The following LCLAT1 variants were observed in gnomAD, a reference collection of about 807,000 sequenced individuals.
LCLAT1 encodes lysocardiolipin acyltransferase 1.
LCLAT1 carries 11 observed loss-of-function variants against 30.7 expected under a neutral mutation model. That is an observed-to-expected ratio of 0.36 (90% CI 0.23 to 0.59). LCLAT1 has a LOEUF of 0.59. LCLAT1 is among the 20% of genes least tolerant of loss of function. LCLAT1 has a pLI of 0.77. For synonymous variants in LCLAT1, 155 were observed against 151.3 expected, an observed-to-expected ratio of 1.02 and a Z score of -0.18; for missense variants, 402 against 458.6, an observed-to-expected ratio of 0.88 and a Z score of 1.13.
At chr2:30,449,737 T>TCGG (rs962463857) in intron 1 of LCLAT1, among the ~76,000 whole-genome samples, 24 of 152,266 alleles carry the variant, frequency 1.6e-4, no homozygotes, top group African/African-American at 5.8e-4. Flanking sequence ...CGACCTCAGG[T>TCGG]GATCCGCCTG....
rs180755299 is a variant in LCLAT1, at chr2:30,534,965, A to G, written c.364+1651A>G. Among the ~76,000 whole-genome samples the G allele has an allele frequency of 1.7e-3, 253 of 152,352 alleles. 1 individual carries two copies. Among genetic ancestry groups the G allele is most frequent in the South Asian group, 4.6e-3 (22 of 4,830 alleles). ...TGAGATATACTAACAGGATATTAAG[A>G]ATAACATTATACCAATGACTTTAAA... On this transcript the variant is annotated intron_variant, in intron 3 of 5. Coordinates refer to ENST00000379509, the MANE Select transcript of LCLAT1 (RefSeq NM_001002257.3).
chr2:30,570,366 A>G (rs970270409), intron 5 of LCLAT1, among the ~76,000 whole-genome samples: 2 of 152,226 alleles, frequency 1.3e-5, no homozygotes, highest in Non-Finnish European at 2.9e-5. Flanking sequence ...CTATAATAAT[A>G]AAAATAAAAA....
rs148707098 is a variant in LCLAT1, at chr2:30,568,340, C to T, written c.628+164C>T. Among the ~76,000 whole-genome samples, 12 of 151,858 alleles carry T rather than the reference C, an allele frequency of 7.9e-5. No homozygotes were observed. In the East Asian group the frequency reaches 2.3e-3, roughly 29 times the overall value. ...TGGCCTATGTACTAAAATGTTTTGCCATGTATTTGTTAGAGATATAGAAGA... is the reference window on the plus strand; with the variant it reads ...TGGCCTATGTACTAAAATGTTTTGCTATGTATTTGTTAGAGATATAGAAGA... On this transcript the variant is annotated intron_variant, in intron 5 of 5. Transcript: ENST00000379509.
At chr2:30,598,414 C>CTTTTTTTTTTTTTTTTTT (rs58514140) in intron 5 of LCLAT1, among the ~76,000 whole-genome samples, 1 of 135,948 alleles carries the variant, frequency 7.4e-6, no homozygotes. Context: ...TCTAGATTTT[C>CTTTTTTTTTTTTTTTTTT]TTTTTTTTTT....
intron 5 of LCLAT1, among the ~76,000 whole-genome samples, chr2:30,622,992 G>A (rs778095426): frequency 4.6e-5 from 7 of 151,186 alleles, no homozygotes; most frequent in African/African-American, 9.7e-5. Context: ...TCAGAAGTTC[G>A]ACTATTAAGC....
At position 30,453,371 on chromosome 2, in the gene LCLAT1, C is replaced by G. The variant is rs890051987; in HGVS notation, c.-5+5988C>G. ...TAACTCTTGACAGGGACTCTTCCCC[C>G]ACTGGAATGTTTAGGTATCTTGGGA... On this transcript the variant is annotated intron_variant, in intron 1 of 5. Coordinates refer to ENST00000379509, the MANE Select transcript of LCLAT1 (RefSeq NM_001002257.3). 5.3e-5 allele frequency among the ~76,000 whole-genome samples: 8 copies of G among 152,294 alleles called. No homozygotes were observed. In the South Asian group the frequency reaches 6.2e-4, roughly 12 times the overall value.
intron 5 of LCLAT1, among the ~76,000 whole-genome samples, chr2:30,574,206 A>G (rs1163734219): frequency 6.6e-6 from 1 of 152,100 alleles, no homozygotes; most frequent in Admixed American, 6.6e-5. Flanking sequence ...GGTAAGGGAA[A>G]ATAGGGGTAA....
intron 1 of LCLAT1, among the ~76,000 whole-genome samples, chr2:30,475,368 G>A (rs1682996194): frequency 6.6e-6 from 1 of 152,146 alleles, no homozygotes; most frequent in Non-Finnish European, 1.5e-5. Context: ...GTGACTTGGA[G>A]GCTGGCTGCA....
At chr2:30,536,852 T>G (rs1050686660) in intron 3 of LCLAT1, among the ~76,000 whole-genome samples, 14 of 152,184 alleles carry the variant, frequency 9.2e-5, no homozygotes, top group Non-Finnish European at 2.1e-4. Flanking sequence ...TGGGGATAAG[T>G]CCTCACCTAT....
intron 5 of LCLAT1, among the ~76,000 whole-genome samples, chr2:30,599,769 CCTG>C (rs1235201431): frequency 6.6e-6 from 1 of 152,082 alleles, no homozygotes; most frequent in Non-Finnish European, 1.5e-5. Flanking sequence ...TACTACAAGC[CCTG>C]CTTTTTTCTG....
At position 30,533,190 on chromosome 2, in the gene LCLAT1, C is replaced by T. The variant is rs1462840586; in HGVS notation, c.240C>T (p.Val80=). Residue 80 remains valine, a synonymous_variant, in exon 3 of 6, where the codon GTC becomes GTT. Transcript: ENST00000379509. ...GDAFVPGERS[V]IIMNHRTRMD... ...CATTTGTTCCTGGAGAAAGAAGTGT[C>T]ATTATCATGAACCATCGGACAAGAA... is the stretch of plus-strand genomic sequence containing the variant. 6 of 1,613,860 alleles carry T rather than the reference C, an allele frequency of 3.7e-6. No homozygotes were observed. The Admixed American group carries it at 8.3e-5, about 22-fold the overall frequency.
chr2:30,542,387 A>T (rs1664182832), intron 3 of LCLAT1, among the ~76,000 whole-genome samples: 1 of 152,018 alleles, frequency 6.6e-6, no homozygotes, highest in African/African-American at 2.4e-5. Context: ...TTTTTTTCCT[A>T]TACAGCTTTC....
chr2:30,567,653 C>T (rs1234634992), intron 4 of LCLAT1, among the ~76,000 whole-genome samples: 1 of 152,178 alleles, frequency 6.6e-6, no homozygotes, highest in Non-Finnish European at 1.5e-5. Flanking sequence ...GCCATCAGAA[C>T]AAGACACACA....
chr2:30,603,909 T>G (rs891607253), intron 5 of LCLAT1, among the ~76,000 whole-genome samples: 3 of 151,942 alleles, frequency 2.0e-5, no homozygotes, highest in Admixed American at 6.6e-5. Context: ...CTCTAGAAAA[T>G]TAAGCAAAGA....
intron 5 of LCLAT1, among the ~76,000 whole-genome samples, chr2:30,586,339 C>G (rs1478525763): frequency 6.6e-6 from 1 of 151,952 alleles, no homozygotes; most frequent in Non-Finnish European, 1.5e-5. Context: ...CACGCTCCCT[C>G]TGAAGGCTTT....
chr2:30,473,531 T>A (rs997959687), intron 1 of LCLAT1, among the ~76,000 whole-genome samples: 6 of 152,230 alleles, frequency 3.9e-5, no homozygotes, highest in Non-Finnish European at 4.4e-5. Flanking sequence ...ATAATCGTGA[T>A]AATTTATGAA....
At chr2:30,494,271 TA>T in intron 1 of LCLAT1, among the ~76,000 whole-genome samples, 1 of 152,084 alleles carries the variant, frequency 6.6e-6, no homozygotes. Context: ...TAGTTTCATA[TA>T]TAATATGAAG....
intron 1 of LCLAT1, among the ~76,000 whole-genome samples, chr2:30,495,412 A>G (rs1476113098): frequency 1.3e-5 from 2 of 152,292 alleles, no homozygotes; most frequent in Middle Eastern, 6.8e-3. Context: ...AGTGTCCTGA[A>G]ATGAAATTCC....
chr2:30,477,437 G>T (rs1683103880), intron 1 of LCLAT1, among the ~76,000 whole-genome samples: 1 of 151,950 alleles, frequency 6.6e-6, no homozygotes, highest in South Asian at 2.1e-4. Flanking sequence ...ATATTATATT[G>T]TGATATATAA....
Sources: gnomAD v4.1 joint callset for allele counts (sites outside exome capture counted in the v4.1 genomes callset) on GRCh38, gnomAD v4.1.1 for gene constraint, MANE v1.5 for transcripts, NCBI Gene and HGNC (gene_info 2026-07-23, HGNC 2026-07-21) for gene names.